ST6GALNAC5: variants seen among roughly 807,000 people sequenced by gnomAD.
The protein encoded by ST6GALNAC5 is alpha-N-acetylgalactosaminide alpha-2,6-sialyltransferase 5.
Under a neutral mutation model 33.6 loss-of-function variants are expected in ST6GALNAC5, and 27 were observed. The ratio of observed to expected loss-of-function variants is 0.80; its 90% CI spans 0.59 to 1.11. The LOEUF (loss-of-function observed/expected upper bound fraction) is 1.11. Among genes scored for constraint, ST6GALNAC5 ranks in the 50% least tolerant of loss-of-function variants. The pLI is 0.00. For synonymous variants in ST6GALNAC5, 194 were observed against 171.2 expected (o/e 1.13, Z -1.04); for missense variants, 428 against 454.0 (o/e 0.94, Z 0.52).
rs751911412 is a variant in ST6GALNAC5, at chr1:76,867,683, C to G, written c.8C>G (p.Thr3Ser). The part of the protein sequence containing the change: MK[T>S]LMRHGLAVCL... ...ACAAAAGAGGTGCCCAAAATGAAGA[C>G]CCTGATGGTGAGTCAGTTGTGGCAA... The change falls in exon 1 of 5, where the codon ACC becomes AGC. Residue 3 changes from threonine (T) to serine (S), a missense_variant. Transcript: ENST00000477717. The G allele has an allele frequency of 1.2e-6, 2 of 1,614,108 alleles. No individual in the cohort carries two copies. The highest frequency in any genetic ancestry group is 3.3e-5 in the Admixed American group (2 of 60,018).
intron 2 of ST6GALNAC5, among the ~76,000 whole-genome samples, chr1:76,914,753 GGC>G (rs1244665390): frequency 2.0e-5 from 3 of 152,082 alleles, no homozygotes; most frequent in African/African-American, 7.2e-5. Flanking sequence ...AGAAAACCTA[GGC>G]ATTACCATTC....
chr1:76,975,669 A>G (rs1218598001), intron 2 of ST6GALNAC5, among the ~76,000 whole-genome samples: 2 of 152,214 alleles, frequency 1.3e-5, no homozygotes, highest in African/African-American at 2.4e-5. Context: ...AGCAGACACA[A>G]AAGAATATGT....
chr1:76,898,838 C>T (rs1357952785), intron 2 of ST6GALNAC5, among the ~76,000 whole-genome samples: 1 of 152,068 alleles, frequency 6.6e-6, no homozygotes, highest in South Asian at 2.1e-4. Flanking sequence ...GAATTCGGAC[C>T]TAGCTCGGCC....
At chr1:77,012,490 AG>A (rs1650669535) in intron 2 of ST6GALNAC5, among the ~76,000 whole-genome samples, 1 of 152,288 alleles carries the variant, frequency 6.6e-6, no homozygotes, top group South Asian at 2.1e-4. Flanking sequence ...TAGGGATAGT[AG>A]GGGACACGAA....
chr1:77,034,730 G>T (rs962780011), intron 2 of ST6GALNAC5, among the ~76,000 whole-genome samples: 2 of 152,222 alleles, frequency 1.3e-5, no homozygotes, highest in African/African-American at 4.8e-5. Context: ...AGCCTGCAGA[G>T]TGAGGGCAGC....
At chr1:76,942,344 C>T (rs1647363533) in intron 2 of ST6GALNAC5, among the ~76,000 whole-genome samples, 1 of 152,138 alleles carries the variant, frequency 6.6e-6, no homozygotes, top group Non-Finnish European at 1.5e-5. Flanking sequence ...CATTCTCACA[C>T]ATTGGTCACA....
At chr1:76,950,514 C>T (rs1025355045) in intron 2 of ST6GALNAC5, among the ~76,000 whole-genome samples, 12 of 151,996 alleles carry the variant, frequency 7.9e-5, no homozygotes, top group African/African-American at 2.9e-4. Context: ...AAACTAGTCA[C>T]TATGATGGAA....
chr1:76,963,950 A>T (rs1648350980), intron 2 of ST6GALNAC5, among the ~76,000 whole-genome samples: 1 of 152,126 alleles, frequency 6.6e-6, no homozygotes, highest in East Asian at 1.9e-4. Context: ...TGCCCCCAGG[A>T]GAATGGTAAG....
At chr1:77,009,836 T>C (rs1054968573) in intron 2 of ST6GALNAC5, among the ~76,000 whole-genome samples, 1 of 152,234 alleles carries the variant, frequency 6.6e-6, no homozygotes, top group Non-Finnish European at 1.5e-5. Flanking sequence ...ATTTCCTCTT[T>C]TATGGAAAAT....
At chr1:76,925,292 G>A (rs1310727369) in intron 2 of ST6GALNAC5, among the ~76,000 whole-genome samples, 2 of 151,952 alleles carry the variant, frequency 1.3e-5, no homozygotes, top group Admixed American at 6.6e-5. Flanking sequence ...GAGATTTGGA[G>A]GGCACAAATA....
chr1:76,991,363 C>T (rs1428614515), intron 2 of ST6GALNAC5, among the ~76,000 whole-genome samples: 1 of 152,098 alleles, frequency 6.6e-6, no homozygotes, highest in South Asian at 2.1e-4. Flanking sequence ...TTTTAGGGCT[C>T]AACACAGTTA....
intron 2 of ST6GALNAC5, among the ~76,000 whole-genome samples, chr1:77,036,703 G>A (rs1440905424): frequency 6.6e-6 from 1 of 152,230 alleles, no homozygotes; most frequent in African/African-American, 2.4e-5. Flanking sequence ...TGCTTTACAT[G>A]GCTTATCATT....
At position 76,963,063 on chromosome 1, in the gene ST6GALNAC5, C is replaced by A. The variant is rs1405241257; in HGVS notation, c.262-81141C>A. Among the ~76,000 whole-genome samples, 3 of 152,022 alleles carry A rather than the reference C, an allele frequency of 2.0e-5. No homozygotes were observed. In the East Asian group the frequency reaches 5.8e-4, roughly 29 times the overall value. ...AATTTGTGCATAGGATTACCAGGGACATTTGTGGAAGATCTGGTGAGAATA... is the reference window on the plus strand; with the variant it reads ...AATTTGTGCATAGGATTACCAGGGAAATTTGTGGAAGATCTGGTGAGAATA... On this transcript the variant is annotated intron_variant, in intron 2 of 4. Transcript: ENST00000477717.
intron 2 of ST6GALNAC5, among the ~76,000 whole-genome samples, chr1:76,909,755 A>G (rs1366359521): frequency 6.6e-6 from 1 of 152,082 alleles, no homozygotes; most frequent in Non-Finnish European, 1.5e-5. Context: ...AATATTTACT[A>G]AAAGCAAAAT....
intron 2 of ST6GALNAC5, among the ~76,000 whole-genome samples, chr1:76,905,365 T>C (rs79508697): frequency 0.018 from 2,755 of 152,258 alleles, 82 homozygotes; most frequent in African/African-American, 0.062. Context: ...GCTGTTCTTC[T>C]TAACGTCAGG....
chr1:77,050,229 C>T (rs1320903394), intron 3 of ST6GALNAC5, 29 bp from the exon 4 acceptor site: 1 of 1,597,004 alleles, frequency 6.3e-7, no homozygotes, highest in African/African-American at 1.3e-5. Context: ...ACTTTACCAG[C>T]TTGCAGACTT....
chr1:76,929,825 C>T (rs1232623053), intron 2 of ST6GALNAC5, among the ~76,000 whole-genome samples: 2 of 151,928 alleles, frequency 1.3e-5, no homozygotes, highest in South Asian at 2.1e-4. Context: ...ATTATTAAAA[C>T]TGGGGCCAGG....
At chr1:76,995,911 T>C (rs1003725431) in intron 2 of ST6GALNAC5, among the ~76,000 whole-genome samples, 6 of 152,144 alleles carry the variant, frequency 3.9e-5, no homozygotes, top group African/African-American at 1.4e-4. Flanking sequence ...GAAGAGGAGA[T>C]GAAAACATTT....
intron 2 of ST6GALNAC5, among the ~76,000 whole-genome samples, chr1:76,939,792 C>T (rs1334903296): frequency 6.6e-6 from 1 of 152,124 alleles, no homozygotes; most frequent in Non-Finnish European, 1.5e-5. Flanking sequence ...AGACAGAATA[C>T]AGCAAGACAA....
Sources: allele counts gnomAD v4.1 joint callset (sites outside exome capture counted in the v4.1 genomes callset), GRCh38; gene constraint gnomAD v4.1.1; transcripts MANE v1.5; gene names NCBI Gene and HGNC (gene_info 2026-07-23, HGNC 2026-07-21).